Variants in EML1 observed in about 807,000 individuals in gnomAD.
EML1 encodes echinoderm microtubule-associated protein-like 1.
In EML1, 27 loss-of-function variants were observed where a neutral mutation model predicts 110.4. The observed-to-expected ratio is 0.24, with a 90% CI of 0.18 to 0.34. The LOEUF (loss-of-function observed/expected upper bound fraction) is 0.34, where lower values mean the gene tolerates loss of function less well. EML1 is among the 10% of genes least tolerant of loss of function. The pLI is 1.00. For missense variants in EML1, 741 were observed against 1,030.9 expected (o/e 0.72, Z 3.85); for synonymous variants, 344 against 385.8 (o/e 0.89, Z 1.27).
At chr14:99,874,535 A>G (rs2059257863) in intron 3 of EML1, among the ~76,000 whole-genome samples, 1 of 151,900 alleles carries the variant, frequency 6.6e-6, no homozygotes, top group Non-Finnish European at 1.5e-5. Context: ...TCCTGCAGTG[A>G]GTGTACGGTA....
intron 4 of EML1, among the ~76,000 whole-genome samples, chr14:99,880,710 C>T (rs140064795): frequency 6.6e-6 from 1 of 152,198 alleles, no homozygotes; most frequent in African/African-American, 2.4e-5. Flanking sequence ...GGCAGAGGCT[C>T]TGCAGTAAAA....
At chr14:99,811,295 G>A (rs2058075075) in intron 1 of EML1, among the ~76,000 whole-genome samples, 2 of 151,746 alleles carry the variant, frequency 1.3e-5, no homozygotes, top group Non-Finnish European at 1.5e-5. Flanking sequence ...ATCCACCCAC[G>A]TCGGCCTCCC....
chr14:99,737,893 C>T, intron 1 of EML1: 1 of 1,287,020 alleles, frequency 7.8e-7, no homozygotes, highest in Non-Finnish European at 1.0e-6. Context: ...CCCGCTGTGG[C>T]TCCGGTTGCA....
At chr14:99,751,556 G>A (rs1036963896) in intron 1 of EML1, among the ~76,000 whole-genome samples, 1 of 152,156 alleles carries the variant, frequency 6.6e-6, no homozygotes, top group African/African-American at 2.4e-5. Context: ...TGATGGTAAG[G>A]AGGGTGCTAA....
chr14:99,938,628 C>A (rs1016608712), intron 20 of EML1, among the ~76,000 whole-genome samples: 3 of 152,254 alleles, frequency 2.0e-5, no homozygotes, highest in African/African-American at 7.2e-5. Flanking sequence ...GTCCCCCACC[C>A]ACCCATTCTC....
chr14:99,844,266 G>A (rs2058674237), intron 1 of EML1, among the ~76,000 whole-genome samples: 1 of 152,154 alleles, frequency 6.6e-6, no homozygotes, highest in Non-Finnish European at 1.5e-5. Context: ...GGATCACAAG[G>A]TCAGGGGTTC....
intron 2 of EML1, among the ~76,000 whole-genome samples, chr14:99,857,562 A>G (rs966675792): frequency 7.9e-5 from 12 of 152,318 alleles, no homozygotes; most frequent in Admixed American, 2.6e-4. Flanking sequence ...CTCCTCACCC[A>G]TGAGCGGTCA....
At chr14:99,819,022 T>C (rs1037407255) in intron 1 of EML1, among the ~76,000 whole-genome samples, 1 of 152,182 alleles carries the variant, frequency 6.6e-6, no homozygotes, top group African/African-American at 2.4e-5. Context: ...GGTGCAATCA[T>C]AGTTTACTGC....
At chr14:99,933,881 G>A (rs752559294) in intron 17 of EML1, among the ~76,000 whole-genome samples, 1 of 152,178 alleles carries the variant, frequency 6.6e-6, no homozygotes, top group Non-Finnish European at 1.5e-5. Context: ...GATCACCTGA[G>A]GTCAGGAGAT....
intron 13 of EML1, among the ~76,000 whole-genome samples, chr14:99,913,077 G>T (rs1470339983): frequency 6.6e-6 from 1 of 152,194 alleles, no homozygotes; most frequent in Non-Finnish European, 1.5e-5. Flanking sequence ...TTAACATTTA[G>T]ATTATTCCAT....
At chr14:99,829,785 C>T (rs1296076482) in intron 1 of EML1, among the ~76,000 whole-genome samples, 1 of 152,212 alleles carries the variant, frequency 6.6e-6, no homozygotes, top group East Asian at 1.9e-4. Context: ...GTTTATTTCA[C>T]TTAGCATAAT....
intron 12 of EML1, 140 bp from the exon 13 acceptor site, chr14:99,911,282 T>A: frequency 1.0e-6 from 1 of 995,798 alleles, no homozygotes; most frequent in Non-Finnish European, 1.4e-6. Flanking sequence ...GTCTAGAAAT[T>A]GGATCCTTCA....
chr14:99,909,187 G>T, intron 10 of EML1, 158 bp from the exon 11 acceptor site: 1 of 1,138,992 alleles, frequency 8.8e-7, no homozygotes, highest in Non-Finnish European at 1.3e-6. Context: ...GCATATGCTT[G>T]ATGTTTTTAG....
intron 13 of EML1, 129 bp from the exon 14 acceptor site, chr14:99,914,050 G>T: frequency 9.0e-7 from 1 of 1,108,548 alleles, no homozygotes; most frequent in Non-Finnish European, 1.3e-6. Context: ...ATATTTGAAC[G>T]TACATTATAT....
At chr14:99,919,656 C>G (rs1230099657) in intron 16 of EML1, among the ~76,000 whole-genome samples, 1 of 152,156 alleles carries the variant, frequency 6.6e-6, no homozygotes, top group Non-Finnish European at 1.5e-5. Context: ...AATCCAGCCC[C>G]TCATCTGTAC....
chr14:99,906,251 C>T (rs773569522), intron 9 of EML1, among the ~76,000 whole-genome samples: 23 of 152,122 alleles, frequency 1.5e-4, no homozygotes, highest in African/African-American at 5.3e-4. Context: ...TTGGATCTCA[C>T]GCAAGAAAGA....
intron 15 of EML1, chr14:99,915,008 T>A (rs2060009615): frequency 7.9e-6 from 3 of 377,496 alleles, no homozygotes; most frequent in Non-Finnish European, 1.4e-5. Flanking sequence ...ATACTTGTTA[T>A]GAGCCTGCAT....
chr14:99,891,298 G>A, intron 5 of EML1, 71 bp downstream of exon 5: 1 of 1,601,190 alleles, frequency 6.2e-7, no homozygotes, highest in East Asian at 2.2e-5. Context: ...CAGAAAAGAA[G>A]TAGCCAGCTT....
intron 4 of EML1, among the ~76,000 whole-genome samples, chr14:99,887,665 G>A: frequency 6.6e-6 from 1 of 152,156 alleles, no homozygotes; most frequent in East Asian, 1.9e-4. Context: ...AACACCTTGA[G>A]AAGCGATCAT....
Sources: allele counts gnomAD v4.1 joint callset (sites outside exome capture counted in the v4.1 genomes callset), GRCh38; gene constraint gnomAD v4.1.1; transcripts MANE v1.5; gene names NCBI Gene and HGNC (gene_info 2026-07-23, HGNC 2026-07-21).